RGPD3: variants seen among roughly 807,000 people sequenced by gnomAD.
RGPD3 encodes the protein RANBP2 like and GRIP domain containing 3, also known as ranBP2-like and GRIP domain-containing protein 3.
A neutral mutation model predicts 154.5 loss-of-function variants in RGPD3; 62 were observed. That is an observed-to-expected ratio of 0.40 (90% CI 0.33 to 0.50). RGPD3 has a LOEUF of 0.50. RGPD3 is among the 20% of genes least tolerant of loss of function. The probability of loss-of-function intolerance (pLI) is 0.59; values close to 1 mark genes in which losing one functional copy is unlikely to be tolerated. For synonymous variants in RGPD3, 308 were observed against 607.0 expected (o/e 0.51, Z 7.24); for missense variants, 919 against 1,716.8 (o/e 0.54, Z 8.21).
chr2:106,403,514 A>AAAG lies in RGPD3; in HGVS notation c.*1702_*1704dup, dbSNP rs1676422165. Among the ~76,000 whole-genome samples the AAAG allele has an allele frequency of 6.6e-6, 1 of 152,224 alleles. No homozygotes were observed. The highest frequency in any genetic ancestry group is 6.5e-5 in the Admixed American group (1 of 15,278). On this transcript the variant is annotated 3_prime_UTR_variant, in exon 23 of 23. Transcript: ENST00000409886. ...TGTAATCAATTTTTTATCATGCAAA[A>AAAG]AAGTATTTTGTTATGACATTTGTAA... is the stretch of plus-strand genomic sequence containing the variant.
chr2:106,468,535 G>C (rs921598666), upstream of RGPD3, among the ~76,000 whole-genome samples: 3 of 152,308 alleles, frequency 2.0e-5, no homozygotes, highest in Non-Finnish European at 2.9e-5. Flanking sequence ...GCCGGGCGCC[G>C]TGGCTCACGC....
chr2:106,467,847 C>T (rs1678680900), intron 1 of RGPD3, among the ~76,000 whole-genome samples: 1 of 138,514 alleles, frequency 7.2e-6, no homozygotes, highest in Admixed American at 7.0e-5. Context: ...CAGCGCCCGT[C>T]GGGAGCCATG....
At position 106,405,240 on chromosome 2, in the gene RGPD3, T is replaced by G. The variant is rs764979770; in HGVS notation, c.5267-11A>C. 6.2e-7 allele frequency: 1 copy of G among 1,602,250 alleles called. No individual in the cohort carries two copies. Among genetic ancestry groups the G allele is most frequent in the Non-Finnish European group, 8.5e-7 (1 of 1,177,084 alleles). ...CATTTTATTCCTCACCTTTGGAAAG[T>G]AAAACAAAAAAAAAGAAAAAAGAGA... On this transcript the variant is annotated splice_polypyrimidine_tract_variant and intron_variant, in intron 22 of 22. Transcript: ENST00000409886.
rs769042286 is a variant in RGPD3, at chr2:106,423,907, C to T, written c.4060G>A (p.Glu1354Lys). 3 of 1,611,852 alleles carry T rather than the reference C, an allele frequency of 1.9e-6. No homozygotes were observed. The highest frequency in any genetic ancestry group is 2.5e-6 in the Non-Finnish European group (3 of 1,179,842). Residue 1354 changes from glutamate to lysine, a missense_variant, in exon 20 of 23, where the codon GAA (glutamate) becomes AAA (lysine). Glu to Lys is a moderately conservative substitution (Grantham distance 56, BLOSUM62 1). Coordinates refer to ENST00000409886, the MANE Select transcript of RGPD3 (RefSeq NM_001144013.2). Reference protein sequence around the residue: ...LVEVSSGEENEQVVFSHRAEF... With the variant: ...LVEVSSGEENKQVVFSHRAEF... ...GCCCTGTGACTAAAAACAACTTGTTCATTTTCCTCACCACTGGATACTTCA... is the reference window on the plus strand; with the variant it reads ...GCCCTGTGACTAAAAACAACTTGTTTATTTTCCTCACCACTGGATACTTCA...
At chr2:106,410,936 C>T (rs865968683) in intron 22 of RGPD3, among the ~76,000 whole-genome samples, 496 of 151,752 alleles carry the variant, frequency 3.3e-3, no homozygotes, top group Middle Eastern at 0.031. Context: ...GAACATTCCT[C>T]CTTCATCATT....
chr2:106,420,723 C>T (rs1303800175), intron 20 of RGPD3, among the ~76,000 whole-genome samples: 1 of 152,258 alleles, frequency 6.6e-6, no homozygotes, highest in African/African-American at 2.4e-5. Flanking sequence ...ATCTGTTTCC[C>T]TTTTTAACTG....
intron 22 of RGPD3, among the ~76,000 whole-genome samples, chr2:106,407,350 G>C (rs936484526): frequency 4.6e-5 from 7 of 152,166 alleles, no homozygotes; most frequent in African/African-American, 1.2e-4. Flanking sequence ...TCAAGGGGAA[G>C]AGATTATACA....
chr2:106,448,308 T>C (rs2439154), intron 6 of RGPD3, among the ~76,000 whole-genome samples: 5 of 152,312 alleles, frequency 3.3e-5, no homozygotes, highest in African/African-American at 7.2e-5. Context: ...GACAGGGTTT[T>C]ACTATGTTGG....
intron 1 of RGPD3, among the ~76,000 whole-genome samples, chr2:106,466,072 G>A (rs1678568861): frequency 6.6e-6 from 1 of 151,778 alleles, no homozygotes; most frequent in Non-Finnish European, 1.5e-5. Flanking sequence ...CAGCACCCGG[G>A]TGCCCAAGCC....
chr2:106,405,320 G>A (rs1573233237), intron 22 of RGPD3, 91 bp from the exon 23 acceptor site: 3 of 1,089,588 alleles, frequency 2.8e-6, no homozygotes, highest in South Asian at 3.0e-5. Flanking sequence ...TACAATATAA[G>A]CAAATAATGT....
chr2:106,414,075 C>A lies in RGPD3; in HGVS notation c.5065-790G>T, dbSNP rs374499506. 8.6e-5 allele frequency among the ~76,000 whole-genome samples: 13 copies of A among 151,990 alleles called. No individual in the cohort carries two copies. In the East Asian group the frequency reaches 2.5e-3, roughly 30 times the overall value. ...CGGCACTTAATCAAAAGTTCAGACA[C>A]AGTGAAAATTCAGGAATATAAGACA... On this transcript the variant is annotated intron_variant, in intron 21 of 22. Coordinates refer to ENST00000409886, the MANE Select transcript of RGPD3 (RefSeq NM_001144013.2).
chr2:106,417,890 G>T (rs1200771418), intron 20 of RGPD3, among the ~76,000 whole-genome samples: 5 of 150,660 alleles, frequency 3.3e-5, no homozygotes, highest in African/African-American at 4.9e-5. Flanking sequence ...AGCAGTTTGG[G>T]AGGCTAAGGT....
intron 1 of RGPD3, among the ~76,000 whole-genome samples, chr2:106,462,403 AG>A (rs1326778257): frequency 1.5e-4 from 23 of 151,036 alleles, no homozygotes; most frequent in Admixed American, 1.5e-3. Context: ...CCTTGTTTAA[AG>A]ATATATAGCT....
At chr2:106,407,417 T>G (rs1311733898) in intron 22 of RGPD3, among the ~76,000 whole-genome samples, 1 of 152,132 alleles carries the variant, frequency 6.6e-6, no homozygotes, top group Non-Finnish European at 1.5e-5. Flanking sequence ...AAGTCTCTCT[T>G]CCACAATCTG....
intron 6 of RGPD3, among the ~76,000 whole-genome samples, chr2:106,451,459 C>T (rs1246928343): frequency 2.7e-5 from 4 of 146,768 alleles, no homozygotes; most frequent in African/African-American, 1.0e-4. Context: ...GAGAAGATTA[C>T]TAATCTGGCT....
intron 1 of RGPD3, among the ~76,000 whole-genome samples, chr2:106,465,673 T>C (rs1470324296): frequency 1.1e-4 from 17 of 151,784 alleles, no homozygotes; most frequent in Admixed American, 3.9e-4. Flanking sequence ...CTTAAAACAT[T>C]TGTGGAAAAG....
At position 106,454,719 on chromosome 2, in the gene RGPD3, T is replaced by G. The variant is rs1305497246; in HGVS notation, c.406-1793A>C. ...GAAAAGAATCTCCTGCCATTACATA[T>G]GTTCTTTAACACTACTGACACCAGA... is the stretch of plus-strand genomic sequence containing the variant. On this transcript the variant is annotated intron_variant, in intron 4 of 22. Coordinates refer to ENST00000409886, the MANE Select transcript of RGPD3 (RefSeq NM_001144013.2). 3.5e-3 allele frequency among the ~76,000 whole-genome samples: 538 copies of G among 152,178 alleles called. 2 individuals carry two copies. The highest frequency in any genetic ancestry group is 0.012 in the African/African-American group (508 of 41,452).
intron 6 of RGPD3, among the ~76,000 whole-genome samples, chr2:106,448,867 T>G (rs1678015123): frequency 1.3e-5 from 2 of 150,826 alleles, no homozygotes; most frequent in South Asian, 4.2e-4. Flanking sequence ...ATTTTTTGTA[T>G]TTTTAGTAGA....
At chr2:106,411,655 C>T (rs1161641718) in intron 22 of RGPD3, among the ~76,000 whole-genome samples, 5 of 151,428 alleles carry the variant, frequency 3.3e-5, no homozygotes, top group South Asian at 4.2e-4. Context: ...GGTGAAACCT[C>T]GTCTCTACTA....
Sources: allele counts gnomAD v4.1 joint callset (sites outside exome capture counted in the v4.1 genomes callset), GRCh38; gene constraint gnomAD v4.1.1; transcripts MANE v1.5; gene names NCBI Gene and HGNC (gene_info 2026-07-23, HGNC 2026-07-21).